WDR47: variants seen among roughly 807,000 people sequenced by gnomAD.
WDR47 encodes the protein WD repeat-containing protein 47.
Under a neutral mutation model 97.2 loss-of-function variants are expected in WDR47, and 32 were observed. The ratio of observed to expected loss-of-function variants is 0.33; its 90% confidence interval spans 0.25 to 0.44. The LOEUF (loss-of-function observed/expected upper bound fraction) is 0.44. Ranked by LOEUF, WDR47 falls within the 20% of genes least tolerant of loss-of-function variation. The pLI, the probability that WDR47 is intolerant of heterozygous loss-of-function variation, is 1.00. For synonymous variants in WDR47, 375 were observed against 373.5 expected, an observed-to-expected ratio of 1.00 and a Z score of -0.05; for missense variants, 782 against 1,102.3, an observed-to-expected ratio of 0.71 and a Z score of 4.11.
intron 12 of WDR47, 111 bp from the exon 13 acceptor site, chr1:108,981,975 C>T: frequency 8.1e-7 from 1 of 1,233,816 alleles, no homozygotes; most frequent in African/African-American, 1.5e-5. Context: ...ATAATCCCAG[C>T]TACTCAGGAG....
intron 5 of WDR47, among the ~76,000 whole-genome samples, chr1:109,006,560 G>A (rs994732554): frequency 6.6e-6 from 1 of 152,110 alleles, no homozygotes; most frequent in African/African-American, 2.4e-5. Flanking sequence ...ATTTTGCAAC[G>A]TATACAGAAC....
chr1:109,006,151 T>C (rs181883594), intron 5 of WDR47, among the ~76,000 whole-genome samples: 4 of 152,272 alleles, frequency 2.6e-5, no homozygotes, highest in Admixed American at 1.3e-4. Flanking sequence ...TCCCAGCACT[T>C]TGGGAGGCCG....
intron 8 of WDR47, among the ~76,000 whole-genome samples, chr1:108,995,010 AC>A (rs1213908137): frequency 6.6e-6 from 1 of 152,230 alleles, no homozygotes; most frequent in Non-Finnish European, 1.5e-5. Context: ...TTTTTAATGA[AC>A]CACCCTGAAA....
rs1557926680 is a variant in WDR47 at position 108,991,323 on chromosome 1, T to G, written c.1698A>C (p.Ser566=). 1 of 1,611,460 alleles carries G rather than the reference T, an allele frequency of 6.2e-7. No individual in the cohort carries two copies. Among genetic ancestry groups the G allele is most frequent in the Middle Eastern group, 1.7e-4 (1 of 6,048 alleles). ...EESPCGSQIS[S]EHSVIKPPLG... ...GAGGTGGCTTAATGACCGAATGTTC[T>G]GAAGAGCTGTGGGAGTAGAAATTCA... The change falls in exon 9 of 15, where the codon TCA becomes TCC. Residue 566 remains serine, a synonymous_variant. Transcript: ENST00000369962.
Position 109,039,799 on chromosome 1 carries a change from C to T in WDR47, c.-10+2063G>A, listed in dbSNP as rs575836347. On this transcript the variant is annotated intron_variant, in intron 1 of 14. Transcript: ENST00000369962. ...AAGCTTGTAATCCCAACATTGCGAG[C>T]CCAAGGCGGGTGGATCACCTGAGGC... is the stretch of plus-strand genomic sequence containing the variant. 5.9e-5 allele frequency among the ~76,000 whole-genome samples: 9 copies of T among 152,016 alleles called. No individual in the cohort carries two copies. The South Asian group carries it at 1.7e-3, about 28-fold the overall frequency.
At chr1:109,041,113 G>A in intron 1 of WDR47, among the ~76,000 whole-genome samples, 1 of 147,350 alleles carries the variant, frequency 6.8e-6, no homozygotes, top group Non-Finnish European at 1.5e-5. Context: ...ATGCCGCCCC[G>A]GCCTACCCTC....
intron 13 of WDR47, among the ~76,000 whole-genome samples, chr1:108,980,907 C>T (rs1384986238): frequency 2.6e-5 from 4 of 151,922 alleles, no homozygotes; most frequent in Non-Finnish European, 4.4e-5. Context: ...GCAAGCAGAT[C>T]ATGAGGATAG....
intron 2 of WDR47, 52 bp downstream of exon 2, chr1:109,023,303 C>T: frequency 6.4e-7 from 1 of 1,566,992 alleles, no homozygotes; most frequent in South Asian, 1.2e-5. Context: ...CTTATTAATA[C>T]TTAACATTTC....
At chr1:108,995,212 C>T (rs1425959326) in intron 8 of WDR47, among the ~76,000 whole-genome samples, 1 of 152,178 alleles carries the variant, frequency 6.6e-6, no homozygotes, top group Non-Finnish European at 1.5e-5. Flanking sequence ...GATTGTAAAA[C>T]ATCTTTCTAT....
chr1:109,030,132 C>T (rs1011885121), intron 1 of WDR47: 58 of 1,205,244 alleles, frequency 4.8e-5, no homozygotes, highest in Admixed American at 6.2e-5. Context: ...CAAGAAGAAA[C>T]GCCTGGTGCA....
At chr1:108,992,664 G>A (rs1261472968) in intron 8 of WDR47, 26 of 1,490,736 alleles carry the variant, frequency 1.7e-5, no homozygotes, top group South Asian at 2.3e-5. Context: ...ATGCGCCGCC[G>A]GACCTACAGA....
intron 13 of WDR47, among the ~76,000 whole-genome samples, chr1:108,981,400 A>C (rs989387315): frequency 1.2e-4 from 18 of 152,188 alleles, no homozygotes; most frequent in African/African-American, 4.3e-4. Context: ...GAATGGAAAG[A>C]AAATAGTACA....
intron 8 of WDR47, chr1:108,992,606 G>A (rs1659443631): frequency 5.0e-6 from 7 of 1,397,270 alleles, no homozygotes; most frequent in Non-Finnish European, 7.0e-6. Context: ...GGGTTTAGAT[G>A]TAGATTCTCT....
chr1:109,013,915 T>G lies in WDR47; in HGVS notation c.253A>C (p.Ile85Leu), dbSNP rs542007370. The G allele has an allele frequency of 7.5e-6, 12 of 1,610,588 alleles. No homozygotes were observed. The East Asian group carries it at 2.5e-4, about 33-fold the overall frequency. Residue 85 changes from isoleucine to leucine, a missense_variant, in exon 4 of 15, where the codon ATT becomes CTT. Ile to Leu is a conservative substitution (Grantham distance 5). This residue lies in a region of WDR47 where 428 missense variants were observed against 584.3 expected (regional missense o/e 0.73). Transcript: ENST00000369962. ...EKFDKKRFRY[I>L]ILKQKFLEAL... ...TCTAAAAACTTCTGCTTCAGGATAA[T>G]ATAACGAAACCTGTGGGAAAAAAAT...
chr1:108,974,621 A>G lies in WDR47; in HGVS notation c.2532T>C (p.Asp844=). ...MVQSYHPHSS[D]VRSVRFSPGA... is the part of the protein sequence containing the mutation. ...CAGGGGAGAATCGAACAGAGCGAAC[A>G]TCACTGGAATGAGGATGATAACTTT... The change falls in exon 14 of 15, where the codon GAT becomes GAC. Residue 844 remains aspartate (D), a synonymous_variant. Coordinates refer to ENST00000369962, the MANE Select transcript of WDR47 (RefSeq NM_001142551.2). 2 of 1,614,154 alleles carry G rather than the reference A, an allele frequency of 1.2e-6. No homozygotes were observed. Among genetic ancestry groups the G allele is most frequent in the Non-Finnish European group, 1.7e-6 (2 of 1,180,028 alleles).
chr1:108,988,553 A>G (rs1457875630), intron 9 of WDR47, among the ~76,000 whole-genome samples: 1 of 151,786 alleles, frequency 6.6e-6, no homozygotes, highest in Non-Finnish European at 1.5e-5. Flanking sequence ...GTGGTGGCGC[A>G]TGCCCGTAGT....
intron 1 of WDR47, among the ~76,000 whole-genome samples, chr1:109,038,240 C>T (rs13303258): frequency 0.11 from 17,076 of 152,158 alleles, 1,154 homozygotes; most frequent in African/African-American, 0.18. Context: ...AATGTAAATT[C>T]CTTCCCTTCA....
chr1:109,037,081 G>A (rs1428774840), intron 1 of WDR47, among the ~76,000 whole-genome samples: 2 of 152,100 alleles, frequency 1.3e-5, no homozygotes, highest in African/African-American at 4.8e-5. Flanking sequence ...TGTAATCCCA[G>A]CACTTTGGGA....
At chr1:108,998,842 A>G (rs1659949302) in intron 7 of WDR47, among the ~76,000 whole-genome samples, 1 of 152,234 alleles carries the variant, frequency 6.6e-6, no homozygotes. Context: ...CACATTTTAT[A>G]GATTCTATCT....
Sources: allele counts gnomAD v4.1 joint callset (sites outside exome capture counted in the v4.1 genomes callset), GRCh38; gene constraint gnomAD v4.1.1; regional missense constraint gnomAD v4.1.1; transcripts MANE v1.5; gene names NCBI Gene and HGNC (gene_info 2026-07-23, HGNC 2026-07-21).